The following KCNK12 variants were observed in gnomAD, a reference collection of about 807,000 sequenced individuals.
KCNK12 encodes the protein potassium two pore domain channel subfamily K member 12, also known as potassium channel subfamily K member 12.
A neutral mutation model predicts 25.3 loss-of-function variants in KCNK12; 6 were observed. That is an observed-to-expected ratio of 0.24 (90% CI 0.13 to 0.47). The LOEUF (loss-of-function observed/expected upper bound fraction) is 0.47, where lower values mean the gene tolerates loss of function less well. KCNK12 is among the 20% of genes least tolerant of loss of function. The pLI is 0.99. For synonymous variants in KCNK12, 331 were observed against 311.1 expected, an observed-to-expected ratio of 1.06 and a Z score of -0.67; for missense variants, 444 against 661.7, an observed-to-expected ratio of 0.67 and a Z score of 3.61.
intron 1 of KCNK12, among the ~76,000 whole-genome samples, chr2:47,552,335 G>A (rs1669454255): frequency 6.6e-6 from 1 of 152,088 alleles, no homozygotes; most frequent in Non-Finnish European, 1.5e-5. Flanking sequence ...CTGCCCTGCT[G>A]AGCCCAGCTT....
At position 47,515,489 on chromosome 2, in the gene KCNK12, C is replaced by T. The variant is rs1244690550; in HGVS notation, c.*5418G>A. Reference sequence around the variant, plus strand: ...AAAACAAGACAAAACAAAACAATACCAGAATGGAAAATAGTGCATGATCTG... The same window carrying T: ...AAAACAAGACAAAACAAAACAATACTAGAATGGAAAATAGTGCATGATCTG... On this transcript the variant is annotated 3_prime_UTR_variant, in exon 2 of 2. Coordinates refer to ENST00000327876, the MANE Select transcript of KCNK12 (RefSeq NM_022055.2). 6.6e-6 allele frequency among the ~76,000 whole-genome samples: 1 copy of T among 152,050 alleles called. No individual in the cohort carries two copies. Among genetic ancestry groups the T allele is most frequent in the Non-Finnish European group, 1.5e-5 (1 of 68,020 alleles).
intron 1 of KCNK12, among the ~76,000 whole-genome samples, chr2:47,539,993 C>A (rs936343606): frequency 6.6e-6 from 1 of 152,222 alleles, no homozygotes; most frequent in African/African-American, 2.4e-5. Context: ...TGGCTGTCAG[C>A]AAGCTACTCG....
chr2:47,551,445 A>G lies in KCNK12; in HGVS notation c.391+18496T>C, dbSNP rs542172045. 3.0e-4 allele frequency among the ~76,000 whole-genome samples: 45 copies of G among 152,142 alleles called. No individual in the cohort carries two copies. The highest frequency in any genetic ancestry group is 1.8e-3 in the Admixed American group (27 of 15,282). On this transcript the variant is annotated intron_variant, in intron 1 of 1. Coordinates refer to ENST00000327876, the MANE Select transcript of KCNK12 (RefSeq NM_022055.2). This position sits in a 1 kb window ranked among gnomAD's most constrained non-coding sequence, Gnocchi z 5.3. The stretch of plus-strand genomic sequence containing the variant: ...ACATTTATTTGTATGTTTATTTTCT[A>G]TCTCCCCCAACTAGAATGTTAGCTC...
Position 47,533,945 on chromosome 2 carries a change from G to T in KCNK12, c.392-12137C>A, listed in dbSNP as rs1668993921. Among the ~76,000 whole-genome samples the T allele has an allele frequency of 6.6e-6, 1 of 151,892 alleles. No homozygotes were observed. Among genetic ancestry groups the T allele is most frequent in the Non-Finnish European group, 1.5e-5 (1 of 67,984 alleles). ...GGACAGAGAGGCTCCAGTCAGCCAG[G>T]CACAGAGAAAATGGCCCTCTGCCCC... On this transcript the variant is annotated intron_variant, in intron 1 of 1. Transcript: ENST00000327876. This position sits in a 1 kb window ranked among gnomAD's most constrained non-coding sequence, Gnocchi z 4.7.
At chr2:47,552,899 G>GGTCTTGTTGA (rs1553381378) in intron 1 of KCNK12, among the ~76,000 whole-genome samples, 1 of 152,210 alleles carries the variant, frequency 6.6e-6, no homozygotes, top group Non-Finnish European at 1.5e-5. Flanking sequence ...GATCAGCAGA[G>GGTCTTGTTGA]GTCTTGTTGA....
At chr2:47,536,809 G>A (rs1669079601) in intron 1 of KCNK12, among the ~76,000 whole-genome samples, 1 of 152,228 alleles carries the variant, frequency 6.6e-6, no homozygotes, top group South Asian at 2.1e-4. Context: ...CCAAAGAGCG[G>A]AAGTACTTCT....
At position 47,521,705 on chromosome 2, in the gene KCNK12, C is replaced by T. The variant is rs747894754; in HGVS notation, c.495G>A (p.Leu165=). The part of the protein sequence containing the change: ...AGTILFFNLF[L]ERIISLLAFI... ...AGGCCAGCAGCGAGATGATGCGCTCCAGGAAGAGGTTGAAGAACAGGATGG... is the reference window on the plus strand; with the variant it reads ...AGGCCAGCAGCGAGATGATGCGCTCTAGGAAGAGGTTGAAGAACAGGATGG... The change falls in exon 2 of 2, where the codon CTG becomes CTA. Residue 165 remains leucine (L), a synonymous_variant. Transcript: ENST00000327876. 1.7e-5 allele frequency: 28 copies of T among 1,601,780 alleles called. No homozygotes were observed. In the South Asian group the frequency reaches 2.4e-4, roughly 13 times the overall value.
intron 1 of KCNK12, among the ~76,000 whole-genome samples, chr2:47,523,756 A>C (rs187373164): frequency 6.6e-6 from 1 of 152,112 alleles, no homozygotes; most frequent in Non-Finnish European, 1.5e-5. Context: ...GAGCTGAAAA[A>C]ATGGATCATT....
At position 47,569,559 on chromosome 2, in the gene KCNK12, G is replaced by A. The variant is rs1363275870; in HGVS notation, c.391+382C>T. On this transcript the variant is annotated intron_variant, in intron 1 of 1. Transcript: ENST00000327876. This position sits in a 1 kb window ranked among gnomAD's most constrained non-coding sequence, Gnocchi z 4.1. The stretch of plus-strand genomic sequence containing the variant: ...AAAGCGCCGAGGGTGGAGGGAGAAG[G>A]GGCTTTTGAGATCATCCTGGAGAGG... Among the ~76,000 whole-genome samples the A allele has an allele frequency of 1.3e-5, 2 of 152,000 alleles. No individual in the cohort carries two copies.
rs903806023 is a variant in KCNK12, at chr2:47,528,167, A to G, written c.392-6359T>C. On this transcript the variant is annotated intron_variant, in intron 1 of 1. Coordinates refer to ENST00000327876, the MANE Select transcript of KCNK12 (RefSeq NM_022055.2). The surrounding 1 kb of genome is among the most constrained non-coding windows in gnomAD (Gnocchi z 4.5). Reference sequence around the variant, plus strand: ...AATACTAGACTAGCTGTGTAACACCATCTGCCCAGAATGAAGGGACAGGTG... The same window carrying G: ...AATACTAGACTAGCTGTGTAACACCGTCTGCCCAGAATGAAGGGACAGGTG... The G allele has an allele frequency of 6.6e-6, 1 of 152,310 alleles. No individual in the cohort carries two copies. The highest frequency in any genetic ancestry group is 1.9e-4 in the East Asian group (1 of 5,200). The allele number at this position is 152,310 out of a possible 1,614,324, so 9.4% of individuals were successfully genotyped here. A position where few individuals can be genotyped will look rare whatever the true frequency, so the allele number is the denominator to read the frequency against.
intron 1 of KCNK12, among the ~76,000 whole-genome samples, chr2:47,542,346 C>T (rs891798232): frequency 1.3e-5 from 2 of 152,214 alleles, no homozygotes; most frequent in Non-Finnish European, 2.9e-5. Flanking sequence ...CTGGAGCCTT[C>T]GCAAACAAGT....
intron 1 of KCNK12, among the ~76,000 whole-genome samples, chr2:47,558,544 C>T (rs758248374): frequency 6.6e-5 from 10 of 152,206 alleles, no homozygotes; most frequent in African/African-American, 1.9e-4. Flanking sequence ...GGCAGAGGCC[C>T]GTGCCTACCT....
intron 1 of KCNK12, among the ~76,000 whole-genome samples, chr2:47,542,905 A>G (rs1432649475): frequency 6.6e-6 from 1 of 152,124 alleles, no homozygotes; most frequent in African/African-American, 2.4e-5. Flanking sequence ...TTGGCTTGAG[A>G]ATGAGTTCTT....
At position 47,562,037 on chromosome 2, in the gene KCNK12, A is replaced by G; in HGVS notation, c.391+7904T>C. 1 of 398,626 alleles carries G rather than the reference A, an allele frequency of 2.5e-6. No homozygotes were observed. The highest frequency in any genetic ancestry group is 4.4e-6 in the Non-Finnish European group (1 of 226,068). 24.7% of individuals were successfully genotyped at this position (398,626 alleles called of 1,614,324 possible). On this transcript the variant is annotated intron_variant, in intron 1 of 1. Transcript: ENST00000327876. This position sits in a 1 kb window ranked among gnomAD's most constrained non-coding sequence, Gnocchi z 4.8. ...AAGCCACGCAGCCAGTTAGTGGCAG[A>G]GCCAGGTCTAGACTCCTAGTGCCTG...
chr2:47,524,839 T>G (rs1668735261), intron 1 of KCNK12, among the ~76,000 whole-genome samples: 1 of 151,962 alleles, frequency 6.6e-6, no homozygotes, highest in Non-Finnish European at 1.5e-5. Flanking sequence ...GGTGAGGGAG[T>G]AGGGGCTGAG....
At chr2:47,535,902 T>G (rs188397015) in intron 1 of KCNK12, among the ~76,000 whole-genome samples, 1 of 152,106 alleles carries the variant, frequency 6.6e-6, no homozygotes, top group Admixed American at 6.6e-5. Context: ...GAAGCTGAGG[T>G]TCAGAGACGT....
chr2:47,520,022 G>C lies in KCNK12; in HGVS notation c.*885C>G, dbSNP rs1370497304. 6.6e-6 allele frequency: 1 copy of C among 152,224 alleles called. No homozygotes were observed. The highest frequency in any genetic ancestry group is 2.4e-5 in the African/African-American group (1 of 41,448). 9.4% of individuals were successfully genotyped at this position (152,224 alleles called of 1,614,324 possible). The stretch of plus-strand genomic sequence containing the variant: ...ATCCACACCAACAAATAAATATCTT[G>C]TCTGAGAAGACTCAGATATTCCTGG... On this transcript the variant is annotated 3_prime_UTR_variant, in exon 2 of 2. Transcript: ENST00000327876. This position sits in a 1 kb window ranked among gnomAD's most constrained non-coding sequence, Gnocchi z 5.0.
At chr2:47,559,077 C>T (rs573413868) in intron 1 of KCNK12, among the ~76,000 whole-genome samples, 88 of 152,320 alleles carry the variant, frequency 5.8e-4, no homozygotes, top group African/African-American at 2.1e-3. Flanking sequence ...CCCCCTAGTT[C>T]AGAACTGAAC....
rs1027134608 is a variant in KCNK12, at chr2:47,511,987, T to C, written c.*8920A>G. 6.6e-6 allele frequency among the ~76,000 whole-genome samples: 1 copy of C among 152,200 alleles called. No individual in the cohort carries two copies. The highest frequency in any genetic ancestry group is 1.5e-5 in the Non-Finnish European group (1 of 68,036). ...TATTGGACTGTGCAGTTCTGGAGAA[T>C]GGTACTTTACTTGTCCTTGGGGAAG... On this transcript the variant is annotated 3_prime_UTR_variant, in exon 2 of 2. Transcript: ENST00000327876. The surrounding 1 kb of genome is among the most constrained non-coding windows in gnomAD (Gnocchi z 4.3).
Sources: gnomAD v4.1 joint callset for allele counts (sites outside exome capture counted in the v4.1 genomes callset) on GRCh38, gnomAD v4.1.1 for gene constraint, Gnocchi (gnomAD v3.1) non-coding constraint, MANE v1.5 for transcripts, NCBI Gene and HGNC (gene_info 2026-07-23, HGNC 2026-07-21) for gene names.